The following COL16A1 variants were observed in gnomAD, a reference collection of about 807,000 sequenced individuals.
COL16A1 encodes collagen alpha-1(XVI) chain.
In COL16A1, 189 loss-of-function variants were observed where a neutral mutation model predicts 266.3. That is an observed-to-expected ratio of 0.71 (90% confidence interval 0.63 to 0.80). The LOEUF is 0.80. Among genes scored for constraint, COL16A1 ranks in the 30% least tolerant of loss-of-function variants. The probability of loss-of-function intolerance (pLI) is 0.00; values close to 1 mark genes in which losing one functional copy is unlikely to be tolerated. For synonymous variants in COL16A1, 740 were observed against 782.3 expected (o/e 0.95, Z 0.90); for missense variants, 1,928 against 2,122.4 (o/e 0.91, Z 1.80).
rs749098402 is a variant in COL16A1 at position 31,681,088 on chromosome 1, G to A, written c.2539-21C>T. ...CGGCCCTGAAGAGAGAGAGCCCAGAGTCAGAGGGTGAGACTGGGCAGCGGC... is the reference window on the plus strand; with the variant it reads ...CGGCCCTGAAGAGAGAGAGCCCAGAATCAGAGGGTGAGACTGGGCAGCGGC... On this transcript the variant is annotated intron_variant, in intron 37 of 70. Coordinates refer to ENST00000373672, the MANE Select transcript of COL16A1 (RefSeq NM_001856.4). 1.9e-6 allele frequency: 3 copies of A among 1,605,990 alleles called. No individual in the cohort carries two copies. In the East Asian group the frequency reaches 6.7e-5, roughly 36 times the overall value.
intron 51 of COL16A1, 72 bp from the exon 52 acceptor site, chr1:31,667,700 G>C (rs1000481120): frequency 2.1e-6 from 3 of 1,403,570 alleles, no homozygotes; most frequent in Admixed American, 3.9e-5. Context: ...TGCGAGGAGC[G>C]GAGACTGCAG....
intron 48 of COL16A1, among the ~76,000 whole-genome samples, chr1:31,671,369 GA>G (rs1252391890): frequency 6.6e-6 from 1 of 152,194 alleles, no homozygotes; most frequent in Non-Finnish European, 1.5e-5. Context: ...GGGAAGCAAA[GA>G]GGTGCCTCTG....
At chr1:31,676,825 C>G (rs1643225804) in intron 42 of COL16A1, among the ~76,000 whole-genome samples, 1 of 152,220 alleles carries the variant, frequency 6.6e-6, no homozygotes, top group Admixed American at 6.5e-5. Flanking sequence ...TGAGTGAATG[C>G]ACCGCTGCTC....
Position 31,656,941 on chromosome 1 carries a change from G to A in COL16A1, c.4056+92C>T. ...TCCAGAGACAGCCCGTACATAGAAG[G>A]AATGTTTACTGAAAAAAATGAAGAG... On this transcript the variant is annotated intron_variant, in intron 65 of 70. Transcript: ENST00000373672. This position sits in a 1 kb window ranked among gnomAD's most constrained non-coding sequence, Gnocchi z 4.2. 1 of 1,556,722 alleles carries A rather than the reference G, an allele frequency of 6.4e-7. No individual in the cohort carries two copies. The highest frequency in any genetic ancestry group is 1.7e-4 in the Middle Eastern group (1 of 5,942).
chr1:31,679,588 T>C (rs1643449827), intron 42 of COL16A1, 44 bp downstream of exon 42: 3 of 1,614,174 alleles, frequency 1.9e-6, no homozygotes, highest in Non-Finnish European at 1.7e-6. Context: ...TCCTGACCCA[T>C]GAGCTCTGCC....
At chr1:31,700,432 C>T (rs984629911) in intron 2 of COL16A1, among the ~76,000 whole-genome samples, 5 of 152,208 alleles carry the variant, frequency 3.3e-5, no homozygotes, top group Non-Finnish European at 7.3e-5. Flanking sequence ...GCTAGGCCAG[C>T]AAGGGAGAGA....
chr1:31,699,959 C>T (rs1188748639), intron 3 of COL16A1, 29 bp from the exon 4 acceptor site: 9 of 1,604,104 alleles, frequency 5.6e-6, no homozygotes, highest in Non-Finnish European at 7.7e-6. Context: ...GTGAAGAGCT[C>T]AGCTGAGCAG....
chr1:31,679,159 A>G (rs1408437445), intron 42 of COL16A1: 6 of 402,090 alleles, frequency 1.5e-5, no homozygotes, highest in South Asian at 8.0e-5. Flanking sequence ...CTAACACACT[A>G]TATTTTATTT....
chr1:31,670,555 C>T lies in COL16A1; in HGVS notation c.3195+47G>A, dbSNP rs573481044. ...GGGAGACAAGCAAAAGCCACAGAGA[C>T]CTGGCTGACGGGGGGGAGGGGAGGT... On this transcript the variant is annotated intron_variant, in intron 49 of 70. Transcript: ENST00000373672. This position sits in a 1 kb window ranked among gnomAD's most constrained non-coding sequence, Gnocchi z 4.5. 3.1e-5 allele frequency: 42 copies of T among 1,352,290 alleles called. No homozygotes were observed. The African/African-American group carries it at 5.4e-4, about 17-fold the overall frequency. The allele number at this position is 1,352,290 out of a possible 1,614,324, so 83.8% of individuals were successfully genotyped here. A position where few individuals can be genotyped will look rare whatever the true frequency, so the allele number is the denominator to read the frequency against.
rs887993305 is a variant in COL16A1, at chr1:31,656,003, C to T, written c.4101+397G>A. 2.4e-5 allele frequency: 8 copies of T among 327,208 alleles called. No homozygotes were observed. The highest frequency in any genetic ancestry group is 4.4e-5 in the African/African-American group (2 of 45,142). The allele number at this position is 327,208 out of a possible 1,614,324, so 20.3% of individuals were successfully genotyped here. A position where few individuals can be genotyped will look rare whatever the true frequency, so the allele number is the denominator to read the frequency against. On this transcript the variant is annotated intron_variant, in intron 66 of 70. Coordinates refer to ENST00000373672, the MANE Select transcript of COL16A1 (RefSeq NM_001856.4). The surrounding 1 kb of genome is among the most constrained non-coding windows in gnomAD (Gnocchi z 4.2). ...GGTGCTCCTCCCTCTCATCCCACAG[C>T]GCTATGTCTCATGTCTTCTGGAAAA...
At chr1:31,655,023 A>AC (rs1557602076) in intron 67 of COL16A1, among the ~76,000 whole-genome samples, 165 bp from the exon 68 acceptor site, 1 of 114,892 alleles carries the variant, frequency 8.7e-6, no homozygotes, top group Non-Finnish European at 1.7e-5. Flanking sequence ...TCACTTTGTC[A>AC]CCCAGACTGG....
intron 1 of COL16A1, among the ~76,000 whole-genome samples, chr1:31,703,261 T>C (rs907344787): frequency 1.3e-5 from 2 of 152,192 alleles, no homozygotes; most frequent in African/African-American, 4.8e-5. Flanking sequence ...CTGACTGCAT[T>C]CCTTCCAACT....
intron 10 of COL16A1, 119 bp from the exon 11 acceptor site, chr1:31,695,340 G>T: frequency 1.0e-6 from 1 of 977,340 alleles, no homozygotes; most frequent in Non-Finnish European, 1.6e-6. Context: ...TCTGAGGGGA[G>T]CCTGAAGATA....
At position 31,656,892 on chromosome 1, in the gene COL16A1, C is replaced by T; in HGVS notation, c.4056+141G>A. 1 of 1,229,206 alleles carries T rather than the reference C, an allele frequency of 8.1e-7. No homozygotes were observed. Among genetic ancestry groups the T allele is most frequent in the Non-Finnish European group, 1.2e-6 (1 of 851,320 alleles). 76.1% of individuals were successfully genotyped at this position (1,229,206 alleles called of 1,614,324 possible). A position where few individuals can be genotyped will look rare whatever the true frequency, so the allele number is the denominator to read the frequency against. ...TGGCCTCAAGTCTCTAATTCCTCTCCCCAGGACAACAGGGTTAACAATTTC... is the reference window on the plus strand; with the variant it reads ...TGGCCTCAAGTCTCTAATTCCTCTCTCCAGGACAACAGGGTTAACAATTTC... On this transcript the variant is annotated intron_variant, in intron 65 of 70. Transcript: ENST00000373672. The surrounding 1 kb of genome is among the most constrained non-coding windows in gnomAD (Gnocchi z 4.2).
rs201923488 is a variant in COL16A1 at position 31,689,833 on chromosome 1, A to G, written c.1528T>C (p.Cys510Arg). 1.4e-5 allele frequency: 23 copies of G among 1,614,040 alleles called. No homozygotes were observed. The East Asian group carries it at 4.7e-4, about 33-fold the overall frequency. Residue 510 changes from cysteine (C) to arginine (R), a missense_variant, in exon 23 of 71, where the codon TGC (cysteine) becomes CGC (arginine). Physicochemically the swap from Cys to Arg is radical, Grantham distance 180. Coordinates refer to ENST00000373672, the MANE Select transcript of COL16A1 (RefSeq NM_001856.4). Reference sequence around the variant, plus strand: ...TGGAACCCTTCAGGCAGTGTTGGGCACACTTCACAGGGGTCACCCTAGCAG... The same window carrying G: ...TGGAACCCTTCAGGCAGTGTTGGGCGCACTTCACAGGGGTCACCCTAGCAG... ...KGEKGDPCEV[C>R]PTLPEGFQNF...
chr1:31,667,112 G>A (rs2148689264), intron 52 of COL16A1, among the ~76,000 whole-genome samples: 2 of 152,344 alleles, frequency 1.3e-5, no homozygotes, highest in Admixed American at 1.3e-4. Context: ...TGTGAGGTTT[G>A]TCACCAGATA....
intron 16 of COL16A1, 86 bp from the exon 17 acceptor site, chr1:31,692,153 T>A: frequency 6.3e-7 from 1 of 1,587,042 alleles, no homozygotes; most frequent in Non-Finnish European, 8.6e-7. Flanking sequence ...GACAACTGCC[T>A]TCTAGACCCC....
chr1:31,697,197 A>T lies in COL16A1; in HGVS notation c.738+23T>A. 5 of 1,613,460 alleles carry T rather than the reference A, an allele frequency of 3.1e-6. No individual in the cohort carries two copies. The highest frequency in any genetic ancestry group is 4.2e-6 in the Non-Finnish European group (5 of 1,179,738). ...TCTCCAGCACAGTGTGTCCCTGGGC[A>T]GCCCAAGGGCCGGGCCACTCACCCC... On this transcript the variant is annotated intron_variant, in intron 7 of 70. Transcript: ENST00000373672. This position sits in a 1 kb window ranked among gnomAD's most constrained non-coding sequence, Gnocchi z 4.2.
chr1:31,665,366 G>A (rs973543172), intron 55 of COL16A1, 132 bp from the exon 56 acceptor site: 59 of 1,432,276 alleles, frequency 4.1e-5, no homozygotes, highest in Admixed American at 1.4e-4. Flanking sequence ...CCACTTGGGA[G>A]CATTACGTCT....
Sources: allele counts gnomAD v4.1 joint callset (sites outside exome capture counted in the v4.1 genomes callset), GRCh38; gene constraint gnomAD v4.1.1; non-coding constraint Gnocchi (gnomAD v3.1); transcripts MANE v1.5; gene names NCBI Gene and HGNC (gene_info 2026-07-23, HGNC 2026-07-21).